DMD: variants seen among roughly 807,000 people sequenced by gnomAD.
DMD encodes the protein mutant dystrophin.
Under a neutral mutation model 330.1 loss-of-function variants are expected in DMD, and 63 were observed. The observed-to-expected ratio is 0.19, with a 90% CI of 0.16 to 0.24. The LOEUF (loss-of-function observed/expected upper bound fraction) is 0.24. Among genes scored for constraint, DMD ranks in the 10% least tolerant of loss-of-function variants. The pLI, the probability that DMD is intolerant of heterozygous loss-of-function variation, is 1.00. For missense variants in DMD, 3,344 were observed against 2,684.1 expected (o/e 1.25, Z -5.43); for synonymous variants, 1,223 against 959.8 (o/e 1.27, Z -5.07).
At chrX:32,845,696 T>G (rs964696811) in intron 3 of DMD, among the ~76,000 whole-genome samples, 1 of 111,852 alleles carries the variant, frequency 8.9e-6, no homozygotes, top group Non-Finnish European at 1.9e-5. Flanking sequence ...TGGGTGATTA[T>G]AGGTAACAGT....
intron 50 of DMD, among the ~76,000 whole-genome samples, chrX:31,777,577 T>G (rs144020344): frequency 2.9e-4 from 32 of 110,891 alleles, no homozygotes; most frequent in African/African-American, 9.5e-4. Flanking sequence ...ACTTCCTTCA[T>G]AGACAACTGG....
At chrX:32,548,470 G>A (rs757897663) in intron 16 of DMD, among the ~76,000 whole-genome samples, 388 of 111,609 alleles carry the variant, frequency 3.5e-3, no homozygotes, top group Non-Finnish European at 5.9e-3. Context: ...GTAACTTTTG[G>A]AAACAACCTC....
chrX:31,689,820 T>C (rs1319358798), intron 52 of DMD, among the ~76,000 whole-genome samples: 1 of 111,011 alleles, frequency 9.0e-6, no homozygotes, highest in Non-Finnish European at 1.9e-5. Context: ...ATACCACACA[T>C]CTACAACCAT....
intron 57 of DMD, among the ~76,000 whole-genome samples, chrX:31,490,159 C>A (rs1035345824): frequency 1.8e-5 from 2 of 112,092 alleles, no homozygotes; most frequent in African/African-American, 6.5e-5. Flanking sequence ...AAGAATAGAT[C>A]AAAAAGACGT....
At chrX:33,068,590 T>A (rs2094698819) in intron 1 of DMD, among the ~76,000 whole-genome samples, 1 of 112,557 alleles carries the variant, frequency 8.9e-6, no homozygotes, top group African/African-American at 3.2e-5. Context: ...TATGTGCTTA[T>A]GTTTCCGTGT....
chrX:31,369,242 A>C (rs2148641122), intron 60 of DMD, among the ~76,000 whole-genome samples: 1 of 112,709 alleles, frequency 8.9e-6, no homozygotes, highest in East Asian at 2.8e-4. Flanking sequence ...TTAGGGCAGG[A>C]GAAAACAATA....
At chrX:32,969,936 A>C (rs193257008) in intron 2 of DMD, among the ~76,000 whole-genome samples, 3 of 95,217 alleles carry the variant, frequency 3.2e-5, no homozygotes, top group South Asian at 1.0e-3. Context: ...AATGAAGGGC[A>C]AACTCCTTGA....
chrX:33,141,971 G>A (rs2047821053), intron 1 of DMD, among the ~76,000 whole-genome samples: 1 of 112,742 alleles, frequency 8.9e-6, no homozygotes, highest in African/African-American at 3.2e-5. Context: ...GGACACACAT[G>A]TCCACACATT....
At chrX:32,543,751 A>C (rs1320596268) in intron 17 of DMD, among the ~76,000 whole-genome samples, 1 of 111,847 alleles carries the variant, frequency 8.9e-6, no homozygotes, top group Non-Finnish European at 1.9e-5. Flanking sequence ...TTGCCACAAA[A>C]AGAATGCTAA....
chrX:32,468,295 A>G (rs993306653), intron 23 of DMD, among the ~76,000 whole-genome samples: 6 of 111,093 alleles, frequency 5.4e-5, no homozygotes, highest in African/African-American at 2.0e-4. Context: ...TCATTCTAAA[A>G]ACACTGAGAA....
At chrX:31,584,855 T>C (rs1317662218) in intron 55 of DMD, among the ~76,000 whole-genome samples, 2 of 110,866 alleles carry the variant, frequency 1.8e-5, no homozygotes, top group Non-Finnish European at 3.8e-5. Context: ...ACTTAAAAAG[T>C]ATAGAAGGAG....
At chrX:32,900,749 A>G (rs371705267) in intron 2 of DMD, among the ~76,000 whole-genome samples, 1 of 111,807 alleles carries the variant, frequency 8.9e-6, no homozygotes, top group South Asian at 3.7e-4. Flanking sequence ...CAAATGAAAA[A>G]AAAGGAATTT....
At chrX:31,870,548 G>T (rs1248753979) in intron 48 of DMD, among the ~76,000 whole-genome samples, 1 of 111,843 alleles carries the variant, frequency 8.9e-6, no homozygotes, top group Non-Finnish European at 1.9e-5. Flanking sequence ...TTTTATTTCA[G>T]CAGAATTGAG....
chrX:31,839,749 A>C (rs1569470167), intron 48 of DMD, among the ~76,000 whole-genome samples: 1 of 112,029 alleles, frequency 8.9e-6, no homozygotes, highest in Non-Finnish European at 1.9e-5. Flanking sequence ...TAGCAATCCA[A>C]GAGAACATCA....
chrX:32,367,511 TA>T (rs1405208877), intron 34 of DMD, among the ~76,000 whole-genome samples: 15 of 112,565 alleles, frequency 1.3e-4, no homozygotes, highest in Non-Finnish European at 3.8e-5. Context: ...AGCATCAATG[TA>T]AAAAGTTATT....
At chrX:31,275,318 C>T (rs757835229) in intron 62 of DMD, among the ~76,000 whole-genome samples, 10 of 110,906 alleles carry the variant, frequency 9.0e-5, no homozygotes, top group South Asian at 3.9e-4. Context: ...AGCTGTGTTA[C>T]GACATCAGTT....
rs2095516381 is a variant in DMD at position 33,134,642 on chromosome X, TAGTC to T, written c.31+76636_31+76639del. Reference sequence around the variant, plus strand: ...TAAGTTGGTGAGGTGATAGATATGTTAGTCAGCTCGACTGACTCTTTCTACAACA... The same window carrying T: ...TAAGTTGGTGAGGTGATAGATATGTTAGCTCGACTGACTCTTTCTACAACA... On this transcript the variant is annotated intron_variant, in intron 1 of 78. Coordinates refer to ENST00000357033, the MANE Select transcript of DMD (RefSeq NM_004006.3). Among the ~76,000 whole-genome samples, 5 of 112,397 alleles carry T rather than the reference TAGTC, an allele frequency of 4.4e-5. No homozygotes were observed. In the Admixed American group the frequency reaches 4.7e-4, roughly 11 times the overall value.
At chrX:31,334,247 T>A (rs1360971646) in intron 61 of DMD, among the ~76,000 whole-genome samples, 2 of 112,659 alleles carry the variant, frequency 1.8e-5, no homozygotes, top group Non-Finnish European at 3.8e-5. Flanking sequence ...GATATTCATC[T>A]TATCAGAATG....
chrX:31,828,422 T>C (rs1285215979), intron 49 of DMD, among the ~76,000 whole-genome samples: 1 of 110,870 alleles, frequency 9.0e-6, no homozygotes, highest in Non-Finnish European at 1.9e-5. Context: ...TTTTAGCACT[T>C]TGGGAGGCTG....
Sources: gnomAD v4.1 joint callset for allele counts (sites outside exome capture counted in the v4.1 genomes callset) on GRCh38, gnomAD v4.1.1 for gene constraint, MANE v1.5 for transcripts, NCBI Gene and HGNC (gene_info 2026-07-23, HGNC 2026-07-21) for gene names.